The following SLC24A2 variants were observed in gnomAD, a reference collection of about 807,000 sequenced individuals.
SLC24A2 encodes solute carrier family 24 member 2.
A neutral mutation model predicts 62.0 loss-of-function variants in SLC24A2; 36 were observed. The ratio of observed to expected loss-of-function variants is 0.58; its 90% CI spans 0.44 to 0.77. The LOEUF (loss-of-function observed/expected upper bound fraction) is 0.77, where lower values mean the gene tolerates loss of function less well. Ranked by LOEUF, SLC24A2 falls within the 30% of genes least tolerant of loss-of-function variation. The pLI is 0.00. For synonymous variants in SLC24A2, 358 were observed against 294.0 expected (o/e 1.22, Z -2.23); for missense variants, 846 against 817.9 (o/e 1.03, Z -0.42).
chr9:19,512,692 G>A lies in SLC24A2; in HGVS notation c.*3461C>T, dbSNP rs1487020179. Reference sequence around the variant, plus strand: ...CGGTGACAGCAAGCAAGACCTGCTCGGTTTGCTGTGAATAAATGAAATCAT... The same window carrying A: ...CGGTGACAGCAAGCAAGACCTGCTCAGTTTGCTGTGAATAAATGAAATCAT... On this transcript the variant is annotated 3_prime_UTR_variant, in exon 11 of 11. Transcript: ENST00000341998. 5 of 152,088 alleles carry A rather than the reference G, an allele frequency of 3.3e-5. No homozygotes were observed. Among genetic ancestry groups the A allele is most frequent in the East Asian group, 1.9e-4 (1 of 5,186 alleles). 9.4% of individuals were successfully genotyped at this position (152,088 alleles called of 1,614,324 possible).
chr9:19,717,974 CT>C lies in SLC24A2; in HGVS notation c.930+67962del, dbSNP rs373497951. ...AATATAATGGCTAGATGATTTAAAA[CT>C]TTTTTTTTTTTTTTTTTTTAAAACG... On this transcript the variant is annotated intron_variant, in intron 2 of 10. Coordinates refer to ENST00000341998, the MANE Select transcript of SLC24A2 (RefSeq NM_020344.4). 7.5e-3 allele frequency among the ~76,000 whole-genome samples: 1,016 copies of C among 135,268 alleles called. 4 individuals carry two copies. The highest frequency in any genetic ancestry group is 0.018 in the Middle Eastern group (5 of 272). 88.7% of individuals were successfully genotyped at this position (135,268 alleles called of 152,430 possible).
At chr9:19,816,220 T>A in the SLC24A2 span, among the ~76,000 whole-genome samples, 2 of 152,196 alleles carry the variant, frequency 1.3e-5, no homozygotes, top group Admixed American at 1.3e-4. Context: ...CTCCACATGG[T>A]TATTCAGGGA....
At chr9:20,101,822 C>G in the SLC24A2 span, among the ~76,000 whole-genome samples, 1 of 152,036 alleles carries the variant, frequency 6.6e-6, no homozygotes, top group African/African-American at 2.4e-5. Context: ...AGGGAGGGTA[C>G]CAGTATAAAG....
intron 7 of SLC24A2, among the ~76,000 whole-genome samples, chr9:19,557,402 G>C (rs758713168): frequency 7.2e-5 from 11 of 152,190 alleles, no homozygotes; most frequent in Non-Finnish European, 1.5e-4. Context: ...GGAAGAATGA[G>C]CCGAAGGCGG....
At chr9:19,604,817 A>G (rs1482154295) in intron 4 of SLC24A2, among the ~76,000 whole-genome samples, 2 of 152,186 alleles carry the variant, frequency 1.3e-5, no homozygotes, top group African/African-American at 2.4e-5. Context: ...TTACAATGAT[A>G]TATTCTACAC....
chr9:20,101,778 C>T, the SLC24A2 span, among the ~76,000 whole-genome samples: 1 of 151,786 alleles, frequency 6.6e-6, no homozygotes, highest in Non-Finnish European at 1.5e-5. Flanking sequence ...AGAAAGATAC[C>T]AAGAACTGCC....
intron 4 of SLC24A2, among the ~76,000 whole-genome samples, chr9:19,608,295 T>C (rs1488246325): frequency 1.3e-5 from 2 of 152,028 alleles, no homozygotes; most frequent in Non-Finnish European, 2.9e-5. Flanking sequence ...CAAACAAAAA[T>C]TTATGAAAGC....
intron 7 of SLC24A2, among the ~76,000 whole-genome samples, chr9:19,553,659 A>G (rs1348649020): frequency 6.6e-6 from 1 of 152,200 alleles, no homozygotes; most frequent in Non-Finnish European, 1.5e-5. Flanking sequence ...AGGAATCCTG[A>G]GTTCCAGTGT....
At chr9:20,199,096 G>C in the SLC24A2 span, among the ~76,000 whole-genome samples, 2 of 152,148 alleles carry the variant, frequency 1.3e-5, no homozygotes, top group African/African-American at 4.8e-5. Context: ...TTTCTAACCA[G>C]CCTATTGCTT....
At chr9:19,830,584 G>A in the SLC24A2 span, among the ~76,000 whole-genome samples, 1 of 152,174 alleles carries the variant, frequency 6.6e-6, no homozygotes. Context: ...TTTCAGGGTA[G>A]AATGAAATTG....
At chr9:19,758,315 G>A (rs1462527415) in intron 2 of SLC24A2, among the ~76,000 whole-genome samples, 1 of 152,180 alleles carries the variant, frequency 6.6e-6, no homozygotes. Flanking sequence ...AACTAAGTCT[G>A]TGAAGAAGAT....
chr9:19,536,306 G>T (rs1319102299), intron 8 of SLC24A2, among the ~76,000 whole-genome samples: 15 of 149,080 alleles, frequency 1.0e-4, no homozygotes, highest in African/African-American at 3.0e-4. Context: ...ACCCACTAAC[G>T]TGTCATCTGT....
the SLC24A2 span, among the ~76,000 whole-genome samples, chr9:20,054,093 T>G: frequency 0.12 from 18,773 of 152,184 alleles, 1,138 homozygotes; most frequent in East Asian, 0.17. Context: ...ATTTCAATAG[T>G]CTTGGGGAAA....
intron 4 of SLC24A2, among the ~76,000 whole-genome samples, chr9:19,611,198 T>G (rs1259556973): frequency 1.3e-5 from 2 of 151,862 alleles, no homozygotes; most frequent in Non-Finnish European, 2.9e-5. Flanking sequence ...GTAAGGGCCC[T>G]GAGGCAGGAG....
At chr9:19,647,303 C>T (rs1362719470) in intron 2 of SLC24A2, among the ~76,000 whole-genome samples, 1 of 152,104 alleles carries the variant, frequency 6.6e-6, no homozygotes, top group African/African-American at 2.4e-5. Flanking sequence ...TCAAAGCCAC[C>T]CCTTTTTTCT....
chr9:19,792,142 G>A (rs933582162), upstream of SLC24A2, among the ~76,000 whole-genome samples: 1 of 152,084 alleles, frequency 6.6e-6, no homozygotes, highest in African/African-American at 2.4e-5. Flanking sequence ...TATCTAGGCT[G>A]GCATGATTTA....
At chr9:19,552,900 C>T (rs1465122208) in intron 7 of SLC24A2, among the ~76,000 whole-genome samples, 1 of 152,184 alleles carries the variant, frequency 6.6e-6, no homozygotes, top group Non-Finnish European at 1.5e-5. Flanking sequence ...CTGTCCAATG[C>T]AAACAATTAA....
At chr9:20,223,906 C>A in the SLC24A2 span, among the ~76,000 whole-genome samples, 13 of 152,058 alleles carry the variant, frequency 8.5e-5, no homozygotes, top group East Asian at 2.5e-3. Flanking sequence ...GCTGAGGAGG[C>A]CTCAGGAAAC....
At chr9:20,102,019 C>T in the SLC24A2 span, among the ~76,000 whole-genome samples, 1 of 152,194 alleles carries the variant, frequency 6.6e-6, no homozygotes, top group Non-Finnish European at 1.5e-5. Context: ...GAGACAGTAT[C>T]ATTCTGTGCA....
Sources: gnomAD v4.1 joint callset for allele counts (sites outside exome capture counted in the v4.1 genomes callset) on GRCh38, gnomAD v4.1.1 for gene constraint, MANE v1.5 for transcripts, NCBI Gene and HGNC (gene_info 2026-07-23, HGNC 2026-07-21) for gene names.